MAGI1: variants seen among roughly 807,000 people sequenced by gnomAD.
MAGI1 encodes the protein membrane associated guanylate kinase, WW and PDZ domain containing 1.
MAGI1 carries 58 observed loss-of-function variants against 139.9 expected under a neutral mutation model. The observed-to-expected ratio is 0.41, with a 90% CI of 0.34 to 0.52. The LOEUF is 0.52. MAGI1 is among the 20% of genes least tolerant of loss of function. MAGI1 has a pLI of 0.12. For missense variants in MAGI1, 1,874 were observed against 1,901.6 expected (o/e 0.99, Z 0.27); for synonymous variants, 812 against 737.9 (o/e 1.10, Z -1.63).
At chr3:65,976,264 A>G (rs2065259710) in intron 1 of MAGI1, among the ~76,000 whole-genome samples, 1 of 152,218 alleles carries the variant, frequency 6.6e-6, no homozygotes, top group Non-Finnish European at 1.5e-5. Flanking sequence ...GTAATTACTT[A>G]TATATAGCCA....
chr3:65,914,528 C>T (rs2061810427), intron 1 of MAGI1, among the ~76,000 whole-genome samples: 1 of 152,150 alleles, frequency 6.6e-6, no homozygotes, highest in South Asian at 2.1e-4. Flanking sequence ...GGCATTCACG[C>T]TCAATTCAAT....
chr3:65,950,068 A>T (rs2888301), intron 1 of MAGI1, among the ~76,000 whole-genome samples: 1 of 4,824 alleles, frequency 2.1e-4, no homozygotes, highest in Non-Finnish European at 8.7e-4. Flanking sequence ...ACAAAAAAAC[A>T]AAAAAAAAAC....
intron 22 of MAGI1, chr3:65,360,872 T>C (rs1940783831): frequency 5.0e-6 from 6 of 1,199,398 alleles, no homozygotes; most frequent in Middle Eastern, 3.4e-4. Flanking sequence ...CATTTTGTGC[T>C]AACAATTGGA....
intron 2 of MAGI1, among the ~76,000 whole-genome samples, chr3:65,561,881 C>T (rs1222194293): frequency 6.6e-6 from 1 of 152,190 alleles, no homozygotes; most frequent in Non-Finnish European, 1.5e-5. Context: ...CCCCCCAATA[C>T]AGTTTCACTT....
chr3:66,023,744 A>T (rs1016340338), intron 1 of MAGI1, among the ~76,000 whole-genome samples: 2 of 152,334 alleles, frequency 1.3e-5, no homozygotes, highest in East Asian at 3.9e-4. Context: ...CATAAACTTC[A>T]TTCGTTCTTG....
intron 1 of MAGI1, among the ~76,000 whole-genome samples, chr3:65,881,169 A>G (rs928015711): frequency 6.6e-6 from 1 of 152,140 alleles, no homozygotes. Flanking sequence ...TACAGAAATG[A>G]GCCACTCTGG....
intron 1 of MAGI1, among the ~76,000 whole-genome samples, chr3:65,952,240 G>C (rs2063899009): frequency 6.6e-6 from 1 of 152,126 alleles, no homozygotes; most frequent in Non-Finnish European, 1.5e-5. Flanking sequence ...GTGTCTGTTT[G>C]TCAAAGATGA....
chr3:65,773,192 A>AT (rs1478425092), intron 1 of MAGI1, among the ~76,000 whole-genome samples: 6 of 152,224 alleles, frequency 3.9e-5, no homozygotes, highest in Non-Finnish European at 8.8e-5. Context: ...ATGATGTAGG[A>AT]GTAATATATT....
intron 18 of MAGI1, among the ~76,000 whole-genome samples, chr3:65,375,021 G>A (rs984804879): frequency 2.0e-5 from 3 of 151,970 alleles, no homozygotes; most frequent in Non-Finnish European, 2.9e-5. Flanking sequence ...CATAGTACTG[G>A]CTCTGAATTG....
At chr3:66,035,829 C>T (rs2068887165) in intron 1 of MAGI1, among the ~76,000 whole-genome samples, 1 of 152,154 alleles carries the variant, frequency 6.6e-6, no homozygotes, top group South Asian at 2.1e-4. Flanking sequence ...GTGTCTGTTT[C>T]CAAACCCACT....
intron 1 of MAGI1, among the ~76,000 whole-genome samples, chr3:65,939,882 CTAAG>C (rs1170924200): frequency 6.6e-6 from 1 of 152,048 alleles, no homozygotes; most frequent in Non-Finnish European, 1.5e-5. Flanking sequence ...CATAATATTA[CTAAG>C]TTTCTGGATT....
chr3:65,447,723 CG>C (rs750029153), intron 7 of MAGI1, among the ~76,000 whole-genome samples: 5 of 152,192 alleles, frequency 3.3e-5, no homozygotes, highest in Non-Finnish European at 7.3e-5. Context: ...AGCATCTCTT[CG>C]GTTCTTTCCC....
intron 2 of MAGI1, among the ~76,000 whole-genome samples, chr3:65,527,597 C>T (rs1289369065): frequency 3.3e-5 from 5 of 152,022 alleles, no homozygotes; most frequent in South Asian, 2.1e-4. Context: ...TGGTGGCAGA[C>T]GCCTGTAGTC....
intron 1 of MAGI1, among the ~76,000 whole-genome samples, chr3:65,977,772 A>G (rs547962437): frequency 6.6e-6 from 1 of 151,292 alleles, no homozygotes; most frequent in East Asian, 1.9e-4. Flanking sequence ...AAGGCCCTAC[A>G]GGCCTCCATC....
chr3:65,765,095 GA>G, intron 1 of MAGI1, among the ~76,000 whole-genome samples: 1 of 152,302 alleles, frequency 6.6e-6, no homozygotes, highest in South Asian at 2.1e-4. Context: ...TCCCATCATG[GA>G]AGTCAATGGA....
chr3:65,680,485 AGCTCACAGAATC>A (rs2087504298), intron 1 of MAGI1, among the ~76,000 whole-genome samples: 1 of 152,134 alleles, frequency 6.6e-6, no homozygotes, highest in African/African-American at 2.4e-5. Flanking sequence ...GGTGCATCAC[AGCTCACAGAATC>A]TCAACCTCCT....
At chr3:65,905,780 A>G (rs2061411457) in intron 1 of MAGI1, among the ~76,000 whole-genome samples, 1 of 152,224 alleles carries the variant, frequency 6.6e-6, no homozygotes, top group Non-Finnish European at 1.5e-5. Flanking sequence ...GACAAAATGT[A>G]GTCTAACAAC....
chr3:65,573,501 G>A (rs958692773), intron 2 of MAGI1, among the ~76,000 whole-genome samples: 4 of 150,972 alleles, frequency 2.6e-5, no homozygotes, highest in Admixed American at 2.6e-4. Flanking sequence ...AGTAGACACA[G>A]AAAAAGTATT....
At chr3:65,959,159 C>T (rs2064284248) in intron 1 of MAGI1, among the ~76,000 whole-genome samples, 1 of 152,182 alleles carries the variant, frequency 6.6e-6, no homozygotes, top group Admixed American at 6.5e-5. Flanking sequence ...TCTGAACTAG[C>T]TTTGTTTGAC....
Sources: gnomAD v4.1 joint callset for allele counts (sites outside exome capture counted in the v4.1 genomes callset) on GRCh38, gnomAD v4.1.1 for gene constraint, MANE v1.5 for transcripts, NCBI Gene and HGNC (gene_info 2026-07-23, HGNC 2026-07-21) for gene names.